The following KIAA1958 variants were observed in gnomAD, a reference collection of about 807,000 sequenced individuals.
KIAA1958 encodes the protein uncharacterized protein KIAA1958.
KIAA1958 carries 14 observed loss-of-function variants against 47.2 expected under a neutral mutation model. The observed-to-expected ratio is 0.30, with a 90% confidence interval of 0.20 to 0.46. The LOEUF (loss-of-function observed/expected upper bound fraction) is 0.46, where lower values mean the gene tolerates loss of function less well. Ranked by LOEUF, KIAA1958 falls within the 20% of genes least tolerant of loss-of-function variation. KIAA1958 has a pLI of 1.00. For synonymous variants in KIAA1958, 354 were observed against 353.3 expected (o/e 1.00, Z -0.02); for missense variants, 803 against 909.2 (o/e 0.88, Z 1.50).
chr9:112,580,131 A>G (rs984099700), intron 2 of KIAA1958, among the ~76,000 whole-genome samples: 14 of 152,154 alleles, frequency 9.2e-5, no homozygotes, highest in African/African-American at 3.4e-4. Flanking sequence ...TGGAAATGGT[A>G]TTGAGACCAA....
chr9:112,616,755 AG>A (rs1162073588), intron 2 of KIAA1958, among the ~76,000 whole-genome samples: 1 of 152,092 alleles, frequency 6.6e-6, no homozygotes, highest in East Asian at 1.9e-4. Flanking sequence ...GTTAATGTTA[AG>A]ATCCTAAATT....
rs778096851 is a variant in KIAA1958 at position 112,574,353 on chromosome 9, C to T, written c.273C>T (p.Pro91=). The part of the protein sequence containing the change: ...NSDSPSIIGV[P]SETQTSPVER... ...ATAGTCCCAGTATAATCGGGGTGCC[C>T]TCTGAGACACAGACTAGCCCTGTTG... The change falls in exon 2 of 4, where the codon CCC becomes CCT. Residue 91 remains proline, a synonymous_variant. Transcript: ENST00000337530. 2 of 1,614,120 alleles carry T rather than the reference C, an allele frequency of 1.2e-6. No individual in the cohort carries two copies. Among genetic ancestry groups the T allele is most frequent in the East Asian group, 2.2e-5 (1 of 44,882 alleles).
chr9:112,657,541 G>A (rs1837170444), intron 3 of KIAA1958, among the ~76,000 whole-genome samples: 1 of 152,074 alleles, frequency 6.6e-6, no homozygotes, highest in Non-Finnish European at 1.5e-5. Flanking sequence ...CATACATTTT[G>A]ATATATAATG....
chr9:112,520,438 C>A (rs921683967), intron 1 of KIAA1958, among the ~76,000 whole-genome samples: 1 of 152,146 alleles, frequency 6.6e-6, no homozygotes. Flanking sequence ...CTATATTACT[C>A]CAAGTGAGTG....
intron 1 of KIAA1958, among the ~76,000 whole-genome samples, chr9:112,570,994 A>G (rs1355738339): frequency 6.6e-6 from 1 of 152,222 alleles, no homozygotes; most frequent in East Asian, 1.9e-4. Context: ...CAAGGCAGCG[A>G]AAAAGAAGCC....
In KIAA1958 at chr9:112,642,637, G is replaced by A. The variant is rs1836911136; in HGVS notation, c.1172-3013G>A. Among the ~76,000 whole-genome samples, 3 of 152,198 alleles carry A rather than the reference G, an allele frequency of 2.0e-5. No individual in the cohort carries two copies. In the South Asian group the frequency reaches 6.2e-4, roughly 31 times the overall value. On this transcript the variant is annotated intron_variant, in intron 2 of 3. Coordinates refer to ENST00000337530, the MANE Select transcript of KIAA1958 (RefSeq NM_133465.4). ...CCTCCTCACCTTAAGCTCGGGGTTT[G>A]TCCTGTCCTCTGGCAGAAAAAATCA...
intron 1 of KIAA1958, among the ~76,000 whole-genome samples, chr9:112,534,417 A>G (rs1342403997): frequency 6.6e-6 from 1 of 152,140 alleles, no homozygotes; most frequent in Non-Finnish European, 1.5e-5. Flanking sequence ...ATTAATTTGC[A>G]TTTTTAATTA....
At position 112,668,439 on chromosome 9, in the gene KIAA1958, A is replaced by G. The variant is rs1837378986; in HGVS notation, c.*8370A>G. On this transcript the variant is annotated 3_prime_UTR_variant, in exon 4 of 4. Coordinates refer to ENST00000337530, the MANE Select transcript of KIAA1958 (RefSeq NM_133465.4). ...GTTTTATGGAACGCCATTTAAATTC[A>G]GACATCAAGGGAATGAATGCAGTTT... is the stretch of plus-strand genomic sequence containing the variant. 1 of 152,280 alleles carries G rather than the reference A, an allele frequency of 6.6e-6. No individual in the cohort carries two copies. Among genetic ancestry groups the G allele is most frequent in the African/African-American group, 2.4e-5 (1 of 41,474 alleles). 9.4% of individuals were successfully genotyped at this position (152,280 alleles called of 1,614,324 possible).
At chr9:112,501,413 A>G (rs1834136336) in intron 1 of KIAA1958, among the ~76,000 whole-genome samples, 1 of 152,140 alleles carries the variant, frequency 6.6e-6, no homozygotes, top group African/African-American at 2.4e-5. Context: ...GCTGCATTCT[A>G]GACTCGGCAA....
intron 1 of KIAA1958, among the ~76,000 whole-genome samples, chr9:112,546,957 T>G (rs1451453920): frequency 6.6e-6 from 1 of 151,856 alleles, no homozygotes; most frequent in Admixed American, 6.6e-5. Context: ...TATATATATA[T>G]TTTTTGAGAC....
At chr9:112,515,711 A>C (rs1198536980) in intron 1 of KIAA1958, among the ~76,000 whole-genome samples, 1 of 80,208 alleles carries the variant, frequency 1.2e-5, no homozygotes, top group Non-Finnish European at 2.4e-5. Flanking sequence ...GTCATCACCA[A>C]TCCCTAATCT....
At chr9:112,588,844 C>T (rs1408087684) in intron 2 of KIAA1958, among the ~76,000 whole-genome samples, 1 of 152,020 alleles carries the variant, frequency 6.6e-6, no homozygotes, top group East Asian at 1.9e-4. Flanking sequence ...TCCTTTTTCC[C>T]CCTTGTTTTG....
At position 112,665,646 on chromosome 9, in the gene KIAA1958, A is replaced by AT. The variant is rs1837343570; in HGVS notation, c.*5579dup. On this transcript the variant is annotated 3_prime_UTR_variant, in exon 4 of 4. Coordinates refer to ENST00000337530, the MANE Select transcript of KIAA1958 (RefSeq NM_133465.4). ...GCCATACTGTGTCACCCCTCCATGT[A>AT]TTCTCTTACTAAATGATTGCTCACT... 6.6e-6 allele frequency: 1 copy of AT among 152,222 alleles called. No homozygotes were observed. Among genetic ancestry groups the AT allele is most frequent in the South Asian group, 2.1e-4 (1 of 4,832 alleles). 9.4% of individuals were successfully genotyped at this position (152,222 alleles called of 1,614,324 possible). A position where few individuals can be genotyped will look rare whatever the true frequency, so the allele number is the denominator to read the frequency against.
rs762983337 is a variant in KIAA1958, at chr9:112,618,073, C to T, written c.1172-27577C>T. The T allele has an allele frequency of 3.4e-5, 52 of 1,550,366 alleles. No homozygotes were observed. Among genetic ancestry groups the T allele is most frequent in the Non-Finnish European group, 4.0e-5 (46 of 1,147,004 alleles). ...TTGATGCCAGGCAGAAGGATGGGTC[C>T]GAATACGAACCCAACAGCTTGGCCA... On this transcript the variant is annotated intron_variant, in intron 2 of 3. Transcript: ENST00000337530. The surrounding 1 kb of genome is among the most constrained non-coding windows in gnomAD (Gnocchi z 7.1).
chr9:112,589,104 G>A (rs1835876733), intron 2 of KIAA1958, among the ~76,000 whole-genome samples: 1 of 152,116 alleles, frequency 6.6e-6, no homozygotes, highest in South Asian at 2.1e-4. Flanking sequence ...AAAGAGATCC[G>A]CAATGCTTGT....
At chr9:112,653,641 C>G (rs533746748) in intron 3 of KIAA1958, among the ~76,000 whole-genome samples, 1 of 152,320 alleles carries the variant, frequency 6.6e-6, no homozygotes, top group Admixed American at 6.5e-5. Context: ...GCGGTCACAC[C>G]TGTAATTCCA....
chr9:112,547,856 T>C (rs562981614), intron 1 of KIAA1958, among the ~76,000 whole-genome samples: 1 of 152,262 alleles, frequency 6.6e-6, no homozygotes, highest in East Asian at 1.9e-4. Flanking sequence ...CTCTGAAGCC[T>C]GCTGCCTGGA....
At chr9:112,656,693 C>G (rs1837157413) in intron 3 of KIAA1958, among the ~76,000 whole-genome samples, 2 of 152,056 alleles carry the variant, frequency 1.3e-5, no homozygotes, top group South Asian at 4.1e-4. Context: ...AAAAGAAAAG[C>G]TGAACTGATT....
chr9:112,588,430 T>G (rs1347829005), intron 2 of KIAA1958, among the ~76,000 whole-genome samples: 1 of 152,208 alleles, frequency 6.6e-6, no homozygotes, highest in Non-Finnish European at 1.5e-5. Context: ...AGCATTATTA[T>G]TAGTACTGTA....
Sources: gnomAD v4.1 joint callset for allele counts (sites outside exome capture counted in the v4.1 genomes callset) on GRCh38, gnomAD v4.1.1 for gene constraint, Gnocchi (gnomAD v3.1) non-coding constraint, MANE v1.5 for transcripts, NCBI Gene and HGNC (gene_info 2026-07-23, HGNC 2026-07-21) for gene names.